Variants in SLC24A3 observed in about 807,000 individuals in gnomAD.
The protein encoded by SLC24A3 is sodium/potassium/calcium exchanger 3.
SLC24A3 carries 28 observed loss-of-function variants against 75.8 expected under a neutral mutation model. That is an observed-to-expected ratio of 0.37 (90% CI 0.27 to 0.51). The LOEUF (loss-of-function observed/expected upper bound fraction) is 0.51. SLC24A3 is among the 20% of genes least tolerant of loss of function. SLC24A3 has a pLI of 0.94. For missense variants in SLC24A3, 663 were observed against 847.8 expected (o/e 0.78, Z 2.71); for synonymous variants, 372 against 334.1 (o/e 1.11, Z -1.24).
intron 2 of SLC24A3, among the ~76,000 whole-genome samples, chr20:19,432,996 G>A (rs942598354): frequency 2.0e-5 from 3 of 151,998 alleles, no homozygotes; most frequent in Non-Finnish European, 2.9e-5. Context: ...TTGCAACCTC[G>A]GGCATAAATG....
intron 2 of SLC24A3, among the ~76,000 whole-genome samples, chr20:19,319,433 C>T (rs965478022): frequency 3.9e-5 from 6 of 152,340 alleles, no homozygotes; most frequent in African/African-American, 7.2e-5. Context: ...AGCAACTCGC[C>T]GCTGCTCACT....
At chr20:19,381,714 C>A (rs899147735) in intron 2 of SLC24A3, among the ~76,000 whole-genome samples, 5 of 152,208 alleles carry the variant, frequency 3.3e-5, no homozygotes, top group Non-Finnish European at 7.3e-5. Context: ...AACCTCCCAA[C>A]TACGGTTTCA....
intron 8 of SLC24A3, among the ~76,000 whole-genome samples, chr20:19,672,473 C>A (rs1335765765): frequency 2.0e-5 from 3 of 152,068 alleles, no homozygotes; most frequent in Non-Finnish European, 1.5e-5. Context: ...GTAGCCGAGA[C>A]TCCAGGGGCA....
chr20:19,424,639 G>T (rs1986968727), intron 2 of SLC24A3, among the ~76,000 whole-genome samples: 1 of 150,850 alleles, frequency 6.6e-6, no homozygotes, highest in African/African-American at 2.4e-5. Flanking sequence ...GGAGCCAAGA[G>T]CCTAGGTTGT....
chr20:19,403,661 G>A (rs529361919), intron 2 of SLC24A3, among the ~76,000 whole-genome samples: 1 of 152,346 alleles, frequency 6.6e-6, no homozygotes, highest in East Asian at 1.9e-4. Flanking sequence ...TGGGGAAATA[G>A]CATTTAAGTA....
chr20:19,307,932 A>G (rs1174808244), intron 2 of SLC24A3, among the ~76,000 whole-genome samples: 1 of 152,228 alleles, frequency 6.6e-6, no homozygotes, highest in East Asian at 1.9e-4. Flanking sequence ...AAGCTAACTC[A>G]GCACAGGAGG....
chr20:19,453,233 C>G (rs1315879723), intron 2 of SLC24A3, among the ~76,000 whole-genome samples: 1 of 151,918 alleles, frequency 6.6e-6, no homozygotes, highest in Non-Finnish European at 1.5e-5. Context: ...GGCCTGTACT[C>G]CAGCTACTCA....
intron 2 of SLC24A3, among the ~76,000 whole-genome samples, chr20:19,346,007 C>T (rs1985387570): frequency 7.6e-6 from 1 of 131,230 alleles, no homozygotes. Context: ...GCACAATTTG[C>T]AATTGCAAAA....
At chr20:19,269,268 A>G (rs1983255575) in intron 1 of SLC24A3, among the ~76,000 whole-genome samples, 1 of 152,250 alleles carries the variant, frequency 6.6e-6, no homozygotes, top group African/African-American at 2.4e-5. Context: ...GCACAGACCT[A>G]GATTGATCAT....
chr20:19,378,850 G>A (rs915430896), intron 2 of SLC24A3, among the ~76,000 whole-genome samples: 1 of 151,276 alleles, frequency 6.6e-6, no homozygotes, highest in Admixed American at 6.6e-5. Flanking sequence ...GGGGACAAAT[G>A]CAATTGGTAT....
rs115627378 is a variant in SLC24A3 at position 19,361,573 on chromosome 20, A to G, written c.271+80486A>G. Among the ~76,000 whole-genome samples, 945 of 152,354 alleles carry G rather than the reference A, an allele frequency of 6.2e-3. 10 individuals carry two copies. Among genetic ancestry groups the G allele is most frequent in the African/African-American group, 0.021 (889 of 41,574 alleles). On this transcript the variant is annotated intron_variant, in intron 2 of 16. Coordinates refer to ENST00000328041, the MANE Select transcript of SLC24A3 (RefSeq NM_020689.4). The stretch of plus-strand genomic sequence containing the variant: ...ATAGAGCTTTGGGTTACACAGGTGC[A>G]TTCCTTGTCAAAACTAGATTCAGAT...
At chr20:19,638,693 G>A (rs898482361) in intron 6 of SLC24A3, among the ~76,000 whole-genome samples, 2 of 152,172 alleles carry the variant, frequency 1.3e-5, no homozygotes, top group Non-Finnish European at 1.5e-5. Flanking sequence ...CTGAGGCACA[G>A]AGACATAATT....
intron 2 of SLC24A3, among the ~76,000 whole-genome samples, chr20:19,515,151 C>T (rs533203421): frequency 2.6e-5 from 4 of 152,354 alleles, no homozygotes; most frequent in Admixed American, 6.5e-5. Context: ...TAGTAGTTCA[C>T]GTGCTTCCTC....
At chr20:19,491,551 T>C (rs1474732) in intron 2 of SLC24A3, among the ~76,000 whole-genome samples, 67,774 of 151,936 alleles carry the variant, frequency 0.45, 15,593 homozygotes, top group African/African-American at 0.55. Context: ...CTTTCCAGGC[T>C]CTGTCACCCC....
At chr20:19,280,429 T>C (rs1294550012) in intron 1 of SLC24A3, among the ~76,000 whole-genome samples, 1 of 152,160 alleles carries the variant, frequency 6.6e-6, no homozygotes, top group Admixed American at 6.5e-5. Context: ...TTTCAGGAGA[T>C]ACTGGCAGGG....
chr20:19,334,251 T>C (rs550045699), intron 2 of SLC24A3, among the ~76,000 whole-genome samples: 1 of 152,324 alleles, frequency 6.6e-6, no homozygotes, highest in East Asian at 1.9e-4. Context: ...TTCCCTTCAG[T>C]ATTCTCAGTG....
At chr20:19,250,079 A>T (rs912172329) in intron 1 of SLC24A3, among the ~76,000 whole-genome samples, 1 of 152,210 alleles carries the variant, frequency 6.6e-6, no homozygotes, top group African/African-American at 2.4e-5. Flanking sequence ...GTCAGCAGTC[A>T]TTCAGCCATT....
intron 15 of SLC24A3, among the ~76,000 whole-genome samples, chr20:19,700,729 G>A (rs929249267): frequency 2.0e-5 from 3 of 152,112 alleles, no homozygotes; most frequent in African/African-American, 2.4e-5. Flanking sequence ...TATATCAAAC[G>A]TTTTTTCCTC....
At chr20:19,511,420 C>G (rs1268206730) in intron 2 of SLC24A3, among the ~76,000 whole-genome samples, 1 of 151,644 alleles carries the variant, frequency 6.6e-6, no homozygotes, top group African/African-American at 2.4e-5. Context: ...CTCCGCCTCT[C>G]AGGTTCACGC....
Sources: allele counts gnomAD v4.1 joint callset (sites outside exome capture counted in the v4.1 genomes callset), GRCh38; gene constraint gnomAD v4.1.1; transcripts MANE v1.5; gene names NCBI Gene and HGNC (gene_info 2026-07-23, HGNC 2026-07-21).